Variants in PTPRD observed in about 807,000 individuals in gnomAD.
PTPRD encodes the protein receptor-type tyrosine-protein phosphatase delta.
A neutral mutation model predicts 214.5 loss-of-function variants in PTPRD; 34 were observed. The ratio of observed to expected loss-of-function variants is 0.16; its 90% CI spans 0.12 to 0.21. The LOEUF (loss-of-function observed/expected upper bound fraction) is 0.21. PTPRD is among the 10% of genes least tolerant of loss of function. The pLI is 1.00. For synonymous variants in PTPRD, 1,128 were observed against 845.7 expected, an observed-to-expected ratio of 1.33 and a Z score of -5.79; for missense variants, 2,545 against 2,398.7, an observed-to-expected ratio of 1.06 and a Z score of -1.27.
At chr9:8,710,079 A>C (rs1346738487) in intron 12 of PTPRD, among the ~76,000 whole-genome samples, 5 of 152,208 alleles carry the variant, frequency 3.3e-5, no homozygotes, top group Admixed American at 3.3e-4. Flanking sequence ...ATTGTTATTA[A>C]ATAATCTGCG....
At chr9:8,935,018 T>TAC (rs1295327007) in intron 11 of PTPRD, among the ~76,000 whole-genome samples, 3 of 152,170 alleles carry the variant, frequency 2.0e-5, no homozygotes, top group Non-Finnish European at 4.4e-5. Flanking sequence ...TACTTATATA[T>TAC]ACACACACAG....
chr9:8,963,892 G>C (rs545121534), intron 11 of PTPRD, among the ~76,000 whole-genome samples: 1 of 152,232 alleles, frequency 6.6e-6, no homozygotes, highest in Admixed American at 6.5e-5. Flanking sequence ...AGGATTACAG[G>C]CATGAGCCAT....
At chr9:8,934,607 C>A (rs759943134) in intron 11 of PTPRD, among the ~76,000 whole-genome samples, 35 of 142,960 alleles carry the variant, frequency 2.4e-4, no homozygotes, top group Admixed American at 1.1e-3. Context: ...ATATCCATTA[C>A]CTCACATAGT....
intron 2 of PTPRD, among the ~76,000 whole-genome samples, chr9:10,504,855 T>C (rs2045363449): frequency 6.6e-6 from 1 of 152,182 alleles, no homozygotes; most frequent in Non-Finnish European, 1.5e-5. Flanking sequence ...AATTATCTCT[T>C]ACTATTATAT....
intron 11 of PTPRD, among the ~76,000 whole-genome samples, chr9:8,763,085 G>GA (rs1447261277): frequency 2.0e-5 from 3 of 152,274 alleles, no homozygotes; most frequent in South Asian, 4.1e-4. Context: ...AGTAGCCACT[G>GA]AAAAATCAAG....
intron 12 of PTPRD, among the ~76,000 whole-genome samples, chr9:8,706,626 G>T (rs918391467): frequency 4.6e-5 from 7 of 152,176 alleles, no homozygotes; most frequent in African/African-American, 1.7e-4. Context: ...CTCATCTCAG[G>T]AGCAGAGATG....
chr9:9,509,081 T>G (rs61162989), intron 8 of PTPRD, among the ~76,000 whole-genome samples: 2 of 151,552 alleles, frequency 1.3e-5, no homozygotes, highest in Non-Finnish European at 3.0e-5. Flanking sequence ...ATAAATGAAA[T>G]GTAAGAGGAA....
chr9:8,373,913 T>TCTATCTAC (rs373840784), intron 39 of PTPRD, among the ~76,000 whole-genome samples: 1 of 78,500 alleles, frequency 1.3e-5, no homozygotes, highest in African/African-American at 8.1e-5. Flanking sequence ...TATCTATCTA[T>TCTATCTAC]CTACCTACCT....
chr9:8,823,950 T>A (rs910969254), intron 11 of PTPRD, among the ~76,000 whole-genome samples: 1 of 152,202 alleles, frequency 6.6e-6, no homozygotes, highest in African/African-American at 2.4e-5. Flanking sequence ...AGGGGTGGAT[T>A]ATTCATGTCT....
At chr9:10,485,516 G>C (rs1418591328) in intron 2 of PTPRD, among the ~76,000 whole-genome samples, 1 of 151,794 alleles carries the variant, frequency 6.6e-6, no homozygotes. Context: ...TCCATGTTTT[G>C]GTGTCCCCTT....
chr9:10,048,808 T>C lies in PTPRD; in HGVS notation c.-544-15018A>G, dbSNP rs550803219. Among the ~76,000 whole-genome samples the C allele has an allele frequency of 1.1e-3, 171 of 152,140 alleles. 1 individual carries two copies. Among genetic ancestry groups the C allele is most frequent in the African/African-American group, 4.1e-3 (169 of 41,534 alleles). ...TCCTATTATCAAGTGTTTCTTTCAC[T>C]AAAATGCTAACAATTCATAGTAACT... On this transcript the variant is annotated intron_variant, in intron 3 of 45. Transcript: ENST00000381196.
intron 4 of PTPRD, among the ~76,000 whole-genome samples, chr9:9,990,282 T>C (rs1006640283): frequency 6.6e-6 from 1 of 152,204 alleles, no homozygotes; most frequent in Non-Finnish European, 1.5e-5. Flanking sequence ...GCCTCCTATC[T>C]CTTCTTTCAT....
At chr9:10,223,988 T>C (rs2099580367) in intron 3 of PTPRD, among the ~76,000 whole-genome samples, 1 of 151,678 alleles carries the variant, frequency 6.6e-6, no homozygotes, top group South Asian at 2.1e-4. Context: ...TAATATAGCA[T>C]ATGATTACGT....
intron 9 of PTPRD, among the ~76,000 whole-genome samples, chr9:9,282,227 G>GTTT (rs1231743130): frequency 1.3e-5 from 2 of 151,252 alleles, no homozygotes; most frequent in African/African-American, 4.8e-5. Context: ...GACATCCAAA[G>GTTT]TTGGGTAATA....
intron 14 of PTPRD, among the ~76,000 whole-genome samples, chr9:8,531,467 C>T (rs2075672027): frequency 6.6e-6 from 1 of 152,052 alleles, no homozygotes; most frequent in Non-Finnish European, 1.5e-5. Context: ...ACACAAAGTG[C>T]TTCAAAGGAT....
intron 2 of PTPRD, among the ~76,000 whole-genome samples, chr9:10,395,197 A>C (rs963848461): frequency 6.7e-6 from 1 of 149,996 alleles, no homozygotes; most frequent in Non-Finnish European, 1.5e-5. Context: ...GGTGTGCTGC[A>C]CCCATTAACT....
At chr9:10,532,007 T>C (rs1409303438) in intron 2 of PTPRD, 1 of 152,156 alleles carries the variant, frequency 6.6e-6, no homozygotes, top group African/African-American at 2.4e-5. Context: ...ATTTAATACT[T>C]TATTTTAAAA....
Position 8,315,538 on chromosome 9 carries a change from A to G in PTPRD, c.*2336T>C. The G allele has an allele frequency of 4.3e-6, 1 of 231,684 alleles. No homozygotes were observed. The highest frequency in any genetic ancestry group is 8.6e-6 in the Non-Finnish European group (1 of 116,722). The allele number at this position is 231,684 out of a possible 1,614,324, so 14.4% of individuals were successfully genotyped here. ...AGATACAAACTAAAAGAAAATAATG[A>G]TAACAGACCCACATAGTGCACATTC... On this transcript the variant is annotated 3_prime_UTR_variant, in exon 46 of 46. Transcript: ENST00000381196.
Position 8,435,581 on chromosome 9 carries a change from A to G in PTPRD, c.4086+1011T>C, listed in dbSNP as rs141670751. ...TGTTAAAACTGGTCTAGAAAAAACAATTATCGTCCAGTTATCAACAATGCA... is the reference window on the plus strand; with the variant it reads ...TGTTAAAACTGGTCTAGAAAAAACAGTTATCGTCCAGTTATCAACAATGCA... On this transcript the variant is annotated intron_variant, in intron 35 of 45. Transcript: ENST00000381196. Among the ~76,000 whole-genome samples the G allele has an allele frequency of 6.3e-3, 965 of 152,298 alleles. 14 individuals are homozygous for G. Among genetic ancestry groups the G allele is most frequent in the African/African-American group, 0.022 (920 of 41,558 alleles).
Sources: gnomAD v4.1 joint callset for allele counts (sites outside exome capture counted in the v4.1 genomes callset) on GRCh38, gnomAD v4.1.1 for gene constraint, MANE v1.5 for transcripts, NCBI Gene and HGNC (gene_info 2026-07-23, HGNC 2026-07-21) for gene names.